Variants in RAB28 observed in about 807,000 individuals in gnomAD.
RAB28 encodes ras-related protein Rab-28.
RAB28 carries 24 observed loss-of-function variants against 31.7 expected under a neutral mutation model. That is an observed-to-expected ratio of 0.76 (90% CI 0.55 to 1.06). The LOEUF (loss-of-function observed/expected upper bound fraction) is 1.06. Among genes scored for constraint, RAB28 ranks in the 50% least tolerant of loss-of-function variants. The pLI is 0.00. For missense variants in RAB28, 254 were observed against 258.5 expected (o/e 0.98, Z 0.12); for synonymous variants, 100 against 90.4 (o/e 1.11, Z -0.60).
In RAB28 at chr4:13,387,045, A is replaced by C. The variant is rs185852451; in HGVS notation, c.392-5451T>G. Among the ~76,000 whole-genome samples the C allele has an allele frequency of 1.3e-3, 198 of 152,258 alleles. 1 individual carries two copies. The highest frequency in any genetic ancestry group is 6.8e-3 in the Middle Eastern group (2 of 294). On this transcript the variant is annotated intron_variant, in intron 4 of 6. Coordinates refer to ENST00000330852, the MANE Select transcript of RAB28 (RefSeq NM_001017979.3). ...ACTTATAAGTAGGAGAAAAATGATG[A>C]GAACACATGGACACATAGAGGGGAA...
chr4:13,416,607 A>G (rs906507429), intron 4 of RAB28, among the ~76,000 whole-genome samples: 1 of 152,274 alleles, frequency 6.6e-6, no homozygotes, highest in Non-Finnish European at 1.5e-5. Context: ...TAGAACAGGC[A>G]AAACCAACCC....
At chr4:13,424,545 C>T (rs989812546) in intron 4 of RAB28, among the ~76,000 whole-genome samples, 1 of 152,160 alleles carries the variant, frequency 6.6e-6, no homozygotes, top group South Asian at 2.1e-4. Context: ...TAAGATCACA[C>T]CCACAGGTAC....
chr4:13,445,733 A>G (rs182245193), intron 4 of RAB28, among the ~76,000 whole-genome samples: 74 of 151,702 alleles, frequency 4.9e-4, no homozygotes, highest in Non-Finnish European at 8.7e-4. Flanking sequence ...CAGAAGCTTC[A>G]TCCCAGAGGG....
chr4:13,382,426 GAAAA>G (rs572510139), intron 4 of RAB28, among the ~76,000 whole-genome samples: 1 of 145,668 alleles, frequency 6.9e-6, no homozygotes, highest in African/African-American at 2.5e-5. Context: ...GTCAATATAG[GAAAA>G]AAAAAACTTA....
chr4:13,372,306 T>C (rs149356007), intron 6 of RAB28, among the ~76,000 whole-genome samples: 173 of 152,210 alleles, frequency 1.1e-3, no homozygotes, highest in African/African-American at 4.0e-3. Context: ...GGATATAACA[T>C]GTTAAAAAGC....
intron 5 of RAB28, among the ~76,000 whole-genome samples, chr4:13,377,098 T>C (rs1169337587): frequency 6.6e-6 from 1 of 152,194 alleles, no homozygotes; most frequent in Non-Finnish European, 1.5e-5. Flanking sequence ...TTCATATCAT[T>C]CCAGCAAATT....
intron 4 of RAB28, among the ~76,000 whole-genome samples, chr4:13,412,466 T>C (rs1712495225): frequency 6.6e-6 from 1 of 152,138 alleles, no homozygotes; most frequent in Admixed American, 6.5e-5. Context: ...CAACCCTGTG[T>C]CGTAAGAAAA....
intron 4 of RAB28, among the ~76,000 whole-genome samples, chr4:13,435,544 T>C (rs2903579): frequency 0.02 from 3,087 of 152,096 alleles, 49 homozygotes; most frequent in Middle Eastern, 0.044. Flanking sequence ...AAAGGTAACA[T>C]TACAACTGAC....
At chr4:13,478,788 TTTG>T (rs924014210) in intron 2 of RAB28, among the ~76,000 whole-genome samples, 11 of 151,746 alleles carry the variant, frequency 7.2e-5, no homozygotes, top group Non-Finnish European at 1.5e-5. Flanking sequence ...CCACTCTTTC[TTTG>T]TTATTATTTC....
Position 13,428,957 on chromosome 4 carries a change from T to G in RAB28, c.391+31742A>C, listed in dbSNP as rs1244088686. Among the ~76,000 whole-genome samples, 4 of 151,338 alleles carry G rather than the reference T, an allele frequency of 2.6e-5. No individual in the cohort carries two copies. The East Asian group carries it at 7.7e-4, about 29-fold the overall frequency. On this transcript the variant is annotated intron_variant, in intron 4 of 6. Coordinates refer to ENST00000330852, the MANE Select transcript of RAB28 (RefSeq NM_001017979.3). ...ACTCTAATTTCACTTTTTTTTTTTT[T>G]TTTTTGAGACAGAGTCTTGCTCTGT...
intron 4 of RAB28, among the ~76,000 whole-genome samples, chr4:13,455,554 T>C (rs1371092570): frequency 6.6e-6 from 1 of 152,022 alleles, no homozygotes; most frequent in East Asian, 1.9e-4. Flanking sequence ...CCCAGAAGAG[T>C]GCACACTCCA....
intron 3 of RAB28, among the ~76,000 whole-genome samples, chr4:13,468,864 T>A (rs1715990870): frequency 1.3e-5 from 2 of 151,396 alleles, no homozygotes; most frequent in African/African-American, 4.9e-5. Flanking sequence ...AGAAGACACA[T>A]ATTAACAACA....
intron 4 of RAB28, among the ~76,000 whole-genome samples, chr4:13,389,327 TTCATGGC>T (rs1729523688): frequency 6.6e-6 from 1 of 152,088 alleles, no homozygotes; most frequent in South Asian, 2.1e-4. Context: ...AAGTTGTTGT[TTCATGGC>T]TATAGAATTC....
chr4:13,443,936 G>A (rs1003280479), intron 4 of RAB28, among the ~76,000 whole-genome samples: 5 of 151,514 alleles, frequency 3.3e-5, no homozygotes, highest in African/African-American at 1.2e-4. Flanking sequence ...ATCATGCAGT[G>A]CTTGTCGTTC....
intron 4 of RAB28, among the ~76,000 whole-genome samples, chr4:13,460,490 A>G (rs1208900200): frequency 8.5e-5 from 13 of 152,150 alleles, no homozygotes; most frequent in Admixed American, 7.9e-4. Flanking sequence ...TGCTGGGACT[A>G]CAAGCATTAG....
chr4:13,401,648 TTC>T (rs1711768272), intron 4 of RAB28, among the ~76,000 whole-genome samples: 1 of 152,242 alleles, frequency 6.6e-6, no homozygotes, highest in East Asian at 1.9e-4. Flanking sequence ...TAATGATTTC[TTC>T]TCTTTCATTC....
chr4:13,483,983 G>T, intron 1 of RAB28, 93 bp downstream of exon 1: 2 of 1,230,964 alleles, frequency 1.6e-6, no homozygotes, highest in Non-Finnish European at 2.3e-6. Context: ...CCGAGGGCTC[G>T]GGGTAACGAG....
Position 13,412,991 on chromosome 4 carries a change from A to G in RAB28, c.392-31397T>C, listed in dbSNP as rs373645205. ...AGACAAGATTGAGAAATGCAACTAC[A>G]AGGAAATAAAAACTTAAAAAGTGTA... On this transcript the variant is annotated intron_variant, in intron 4 of 6. Coordinates refer to ENST00000330852, the MANE Select transcript of RAB28 (RefSeq NM_001017979.3). Among the ~76,000 whole-genome samples, 13 of 152,222 alleles carry G rather than the reference A, an allele frequency of 8.5e-5. No homozygotes were observed. The East Asian group carries it at 1.5e-3, about 18-fold the overall frequency.
At chr4:13,373,358 G>C (rs778668054) in intron 6 of RAB28, among the ~76,000 whole-genome samples, 43 of 152,238 alleles carry the variant, frequency 2.8e-4, no homozygotes, top group Admixed American at 9.2e-4. Context: ...GATAATGGTT[G>C]GTAGTGGAGA....
Sources: allele counts gnomAD v4.1 joint callset (sites outside exome capture counted in the v4.1 genomes callset), GRCh38; gene constraint gnomAD v4.1.1; transcripts MANE v1.5; gene names NCBI Gene and HGNC (gene_info 2026-07-23, HGNC 2026-07-21).